Variants in XKR6 observed in about 807,000 individuals in gnomAD.
XKR6 encodes the protein XK related 6, also known as XK-related protein 6.
In XKR6, 22 loss-of-function variants were observed where a neutral mutation model predicts 56.7. The ratio of observed to expected loss-of-function variants is 0.39; its 90% CI spans 0.28 to 0.55. XKR6 has a LOEUF of 0.55. Among genes scored for constraint, XKR6 ranks in the 20% least tolerant of loss-of-function variants. XKR6 has a pLI of 0.66. For synonymous variants in XKR6, 524 were observed against 387.8 expected (o/e 1.35, Z -4.13); for missense variants, 852 against 889.0 (o/e 0.96, Z 0.53).
chr8:11,107,078 C>T (rs1395452300), intron 1 of XKR6, among the ~76,000 whole-genome samples: 2 of 152,006 alleles, frequency 1.3e-5, no homozygotes, highest in Admixed American at 6.6e-5. Flanking sequence ...AACTGTGATG[C>T]TTCTATCTTG....
chr8:11,147,654 C>CAAAAA lies in XKR6; in HGVS notation c.764+52917_764+52921dup, dbSNP rs35057185. Among the ~76,000 whole-genome samples, 46 of 100,584 alleles carry CAAAAA rather than the reference C, an allele frequency of 4.6e-4. 1 individual carries two copies. The highest frequency in any genetic ancestry group is 3.0e-3 in the South Asian group (9 of 2,980). The allele number at this position is 100,584 out of a possible 152,430, so 66.0% of individuals were successfully genotyped here. A position where few individuals can be genotyped will look rare whatever the true frequency, so the allele number is the denominator to read the frequency against. On this transcript the variant is annotated intron_variant, in intron 1 of 2. Coordinates refer to ENST00000416569, the MANE Select transcript of XKR6 (RefSeq NM_173683.4). ...CTTGTGACAGAGCGAGACTCTGTCT[C>CAAAAA]AAAAAAAAAAAAAAAAGCTATATGG...
chr8:10,898,609 C>G lies in XKR6; in HGVS notation c.1269G>C (p.Gly423=), dbSNP rs1799953367. 1 of 1,614,162 alleles carries G rather than the reference C, an allele frequency of 6.2e-7. No homozygotes were observed. The highest frequency in any genetic ancestry group is 2.2e-5 in the East Asian group (1 of 44,882). ...TAAACCAGCAGAAAATGTACACGAT[C>G]CCTACCACCATGTTGAAGAGGATCT... The part of the protein sequence containing the change: ...WEEILFNMVV[G]IVYIFCWFNV... The change falls in exon 3 of 3, where the codon GGG becomes GGC. Residue 423 remains glycine (G), a synonymous_variant. Coordinates refer to ENST00000416569, the MANE Select transcript of XKR6 (RefSeq NM_173683.4). The surrounding 1 kb of genome is among the most constrained non-coding windows in gnomAD (Gnocchi z 6.6).
chr8:11,040,190 G>A (rs986204756), intron 1 of XKR6, among the ~76,000 whole-genome samples: 1 of 151,916 alleles, frequency 6.6e-6, no homozygotes, highest in African/African-American at 2.4e-5. Context: ...TTCCACTCCT[G>A]CAGGAACAGG....
At chr8:10,962,537 G>A (rs1046534417) in intron 1 of XKR6, among the ~76,000 whole-genome samples, 2 of 152,158 alleles carry the variant, frequency 1.3e-5, no homozygotes, top group Non-Finnish European at 1.5e-5. Context: ...AACTTGTAAG[G>A]AAGTTCCAAC....
At chr8:11,085,405 G>A (rs1563125910) in intron 1 of XKR6, among the ~76,000 whole-genome samples, 1 of 152,194 alleles carries the variant, frequency 6.6e-6, no homozygotes, top group Non-Finnish European at 1.5e-5. Context: ...AGCCCACGGA[G>A]AGTGCCAAGT....
chr8:11,031,531 G>C (rs899513668), intron 1 of XKR6, among the ~76,000 whole-genome samples: 14 of 152,228 alleles, frequency 9.2e-5, no homozygotes, highest in African/African-American at 3.4e-4. Flanking sequence ...CATGAGAATA[G>C]AACAGTAAGG....
At chr8:10,985,415 G>A (rs1269590415) in intron 1 of XKR6, among the ~76,000 whole-genome samples, 1 of 151,808 alleles carries the variant, frequency 6.6e-6, no homozygotes, top group Non-Finnish European at 1.5e-5. Flanking sequence ...AGATTAAAAG[G>A]AACATTGTCT....
intron 1 of XKR6, among the ~76,000 whole-genome samples, chr8:11,130,514 A>G (rs1256928195): frequency 6.6e-6 from 1 of 152,170 alleles, no homozygotes; most frequent in Non-Finnish European, 1.5e-5. Flanking sequence ...GGGTTCATTA[A>G]AAGTCTGCAC....
intron 1 of XKR6, chr8:11,035,232 A>G (rs1238961018): frequency 1.9e-6 from 1 of 534,740 alleles, no homozygotes; most frequent in African/African-American, 1.9e-5. Flanking sequence ...GACGATGACA[A>G]CGATGACGTA....
chr8:10,969,843 T>G (rs776239517), intron 1 of XKR6, among the ~76,000 whole-genome samples: 2 of 152,232 alleles, frequency 1.3e-5, no homozygotes, highest in African/African-American at 2.4e-5. Flanking sequence ...CTCACCTGCC[T>G]GGGGTGGTTT....
At chr8:10,914,491 C>T (rs889705896) in intron 2 of XKR6, among the ~76,000 whole-genome samples, 1 of 152,160 alleles carries the variant, frequency 6.6e-6, no homozygotes, top group Non-Finnish European at 1.5e-5. Context: ...TTCTTGATGG[C>T]CTCTGACGTG....
intron 1 of XKR6, among the ~76,000 whole-genome samples, chr8:11,074,340 G>C (rs1464015547): frequency 1.3e-5 from 2 of 152,154 alleles, no homozygotes; most frequent in African/African-American, 4.8e-5. Context: ...GCCACTGCCA[G>C]GTCACTGTGG....
chr8:11,059,418 G>T (rs1337953376), intron 1 of XKR6, among the ~76,000 whole-genome samples: 1 of 152,198 alleles, frequency 6.6e-6, no homozygotes, highest in Non-Finnish European at 1.5e-5. Flanking sequence ...GGGAGTCCCC[G>T]GCCGAGGGCA....
At chr8:10,922,725 A>G (rs1468631366) in intron 2 of XKR6, among the ~76,000 whole-genome samples, 1 of 152,228 alleles carries the variant, frequency 6.6e-6, no homozygotes, top group Non-Finnish European at 1.5e-5. Flanking sequence ...GTCCTCAGGC[A>G]TCCTGAAGAT....
intron 1 of XKR6, among the ~76,000 whole-genome samples, chr8:11,045,075 C>CTTTTTTTTTTTT (rs5889356): frequency 8.3e-5 from 3 of 36,000 alleles, no homozygotes; most frequent in Non-Finnish European, 1.0e-4. Context: ...TCAAATCACT[C>CTTTTTTTTTTTT]TTTTTTTTTT....
chr8:11,123,538 A>G (rs972809594), intron 1 of XKR6: 4 of 259,130 alleles, frequency 1.5e-5, no homozygotes, highest in African/African-American at 4.5e-5. Flanking sequence ...TTCTATGACA[A>G]TATCATCACC....
At chr8:11,101,036 A>G (rs1385794217) in intron 1 of XKR6, among the ~76,000 whole-genome samples, 2 of 152,198 alleles carry the variant, frequency 1.3e-5, no homozygotes, top group Admixed American at 1.3e-4. Flanking sequence ...ATCGGACGAA[A>G]GAGGCTGTCG....
chr8:11,193,751 C>CG (rs1484500326), intron 1 of XKR6, among the ~76,000 whole-genome samples: 2 of 111,180 alleles, frequency 1.8e-5, no homozygotes, highest in African/African-American at 6.6e-5. Flanking sequence ...CCCCCCCCCC[C>CG]ACAAAAGAAA....
intron 1 of XKR6, among the ~76,000 whole-genome samples, chr8:11,082,139 T>C (rs965174827): frequency 2.0e-5 from 3 of 152,210 alleles, no homozygotes; most frequent in Admixed American, 6.5e-5. Flanking sequence ...AGCTGTGACC[T>C]GGGCAGAGGA....
Sources: gnomAD v4.1 joint callset for allele counts (sites outside exome capture counted in the v4.1 genomes callset) on GRCh38, gnomAD v4.1.1 for gene constraint, Gnocchi (gnomAD v3.1) non-coding constraint, MANE v1.5 for transcripts, NCBI Gene and HGNC (gene_info 2026-07-23, HGNC 2026-07-21) for gene names.